TG: variants seen among roughly 807,000 people sequenced by gnomAD.
The protein encoded by TG is thyroid hormones.
TG carries 270 observed loss-of-function variants against 324.7 expected under a neutral mutation model. The ratio of observed to expected loss-of-function variants is 0.83; its 90% CI spans 0.75 to 0.92. TG has a LOEUF of 0.92. TG is among the 40% of genes least tolerant of loss of function. The pLI is 0.00. For synonymous variants in TG, 1,401 were observed against 1,327.0 expected (o/e 1.06, Z -1.21); for missense variants, 3,591 against 3,456.4 (o/e 1.04, Z -0.98).
chr8:132,931,943 A>C (rs1397215634), intron 23 of TG, among the ~76,000 whole-genome samples: 9 of 151,990 alleles, frequency 5.9e-5, no homozygotes, highest in African/African-American at 2.2e-4. Context: ...ATAATACAAA[A>C]ATTAGCCAGG....
chr8:132,882,583 T>C lies in TG; in HGVS notation c.860T>C (p.Val287Ala), dbSNP rs1192342580. Reference protein sequence around the residue: ...YRILQRRFLAVQSVISGRFRC... With the variant: ...YRILQRRFLAAQSVISGRFRC... Reference sequence around the variant, plus strand: ...ATACTGCAGAGACGGTTCCTCGCAGTTCAATCAGTCATCTCTGGCAGATTC... The same window carrying C: ...ATACTGCAGAGACGGTTCCTCGCAGCTCAATCAGTCATCTCTGGCAGATTC... The change falls in exon 7 of 48, where the codon GTT becomes GCT. Residue 287 changes from valine to alanine, a missense_variant. Coordinates refer to ENST00000220616, the MANE Select transcript of TG (RefSeq NM_003235.5). The C allele has an allele frequency of 6.2e-7, 1 of 1,614,220 alleles. No individual in the cohort carries two copies. The highest frequency in any genetic ancestry group is 8.5e-7 in the Non-Finnish European group (1 of 1,180,046).
chr8:133,001,735 A>C (rs1057322195), intron 35 of TG: 5 of 985,340 alleles, frequency 5.1e-6, no homozygotes, highest in Non-Finnish European at 4.8e-6. Context: ...ACAGGCCTCC[A>C]AGGCAGCTTC....
intron 10 of TG, among the ~76,000 whole-genome samples, chr8:132,890,524 G>A (rs1388081677): frequency 1.3e-5 from 2 of 152,154 alleles, no homozygotes; most frequent in Admixed American, 6.5e-5. Context: ...ATTCCCAGGG[G>A]AATTCAATGC....
chr8:132,903,880 T>C (rs1002744403), intron 16 of TG, among the ~76,000 whole-genome samples: 2 of 152,258 alleles, frequency 1.3e-5, no homozygotes, highest in African/African-American at 4.8e-5. Flanking sequence ...ATTTGAGTCA[T>C]TATTAGCACT....
intron 22 of TG, among the ~76,000 whole-genome samples, chr8:132,926,179 C>A (rs1487833810): frequency 6.6e-6 from 1 of 152,192 alleles, no homozygotes; most frequent in Non-Finnish European, 1.5e-5. Flanking sequence ...GGTCCTTAAG[C>A]AAGGGACTTA....
intron 39 of TG, among the ~76,000 whole-genome samples, chr8:133,021,171 A>T (rs1835527968): frequency 6.6e-6 from 1 of 152,192 alleles, no homozygotes; most frequent in African/African-American, 2.4e-5. Flanking sequence ...AAATGTGGAT[A>T]ATAAGAATCT....
intron 25 of TG, 149 bp from the exon 26 acceptor site, chr8:132,941,202 G>A (rs1380459909): frequency 3.1e-6 from 3 of 982,086 alleles, no homozygotes; most frequent in Non-Finnish European, 4.7e-6. Flanking sequence ...CAGAAGCTTT[G>A]TGGCACAGAG....
At chr8:133,018,980 A>G (rs945645200) in intron 38 of TG, among the ~76,000 whole-genome samples, 30 of 152,218 alleles carry the variant, frequency 2.0e-4, no homozygotes, top group Non-Finnish European at 2.9e-5. Context: ...AATATGCGTG[A>G]ATTAAAGTGC....
chr8:132,948,921 T>G lies in TG; in HGVS notation c.5379T>G (p.Leu1793=). ...AGAGCCACCAGGTGATATTGCGTCT[T>G]GGAGACCAGGAGTTCATCAAGAGTA... is the stretch of plus-strand genomic sequence containing the variant. ...DQESHQVILR[L]GDQEFIKSLT... is the part of the protein sequence containing the mutation. The change falls in exon 27 of 48, where the codon CTT becomes CTG. Residue 1793 remains leucine (L), a synonymous_variant. Transcript: ENST00000220616. 1 of 1,613,924 alleles carries G rather than the reference T, an allele frequency of 6.2e-7. No individual in the cohort carries two copies. Among genetic ancestry groups the G allele is most frequent in the Non-Finnish European group, 8.5e-7 (1 of 1,180,012 alleles).
At chr8:132,986,680 A>G (rs1028867943) in intron 35 of TG, among the ~76,000 whole-genome samples, 1 of 152,174 alleles carries the variant, frequency 6.6e-6, no homozygotes, top group African/African-American at 2.4e-5. Context: ...AGCAAAGTGA[A>G]CTACTTGGTA....
chr8:133,070,663 C>T (rs1236007398), intron 41 of TG, among the ~76,000 whole-genome samples: 1 of 152,136 alleles, frequency 6.6e-6, no homozygotes, highest in African/African-American at 2.4e-5. Flanking sequence ...CTTTTTACTC[C>T]CACTCCTAAT....
intron 2 of TG, among the ~76,000 whole-genome samples, chr8:132,868,820 A>G (rs1839210577): frequency 6.6e-6 from 1 of 152,148 alleles, no homozygotes; most frequent in Admixed American, 6.5e-5. Context: ...TAATCTAGAC[A>G]ATTCTTCCCT....
chr8:133,110,025 CT>C (rs1313563178), intron 43 of TG, among the ~76,000 whole-genome samples: 1 of 152,176 alleles, frequency 6.6e-6, no homozygotes, highest in Non-Finnish European at 1.5e-5. Context: ...ATAGCGGGTG[CT>C]GGGACTTGGA....
chr8:133,096,445 T>A, intron 43 of TG, 72 bp downstream of exon 43: 1 of 1,580,730 alleles, frequency 6.3e-7, no homozygotes. Context: ...AATGTCTGAC[T>A]TGATCAAGAG....
chr8:132,893,287 TG>T (rs1816569582), intron 10 of TG, among the ~76,000 whole-genome samples: 1 of 142,682 alleles, frequency 7.0e-6, no homozygotes, highest in Admixed American at 7.0e-5. Context: ...GTGGTGTGTG[TG>T]TATGTGTACG....
chr8:132,890,851 C>G (rs915306463), intron 10 of TG, among the ~76,000 whole-genome samples: 1 of 152,194 alleles, frequency 6.6e-6, no homozygotes, highest in Non-Finnish European at 1.5e-5. Flanking sequence ...GCTCAGGCCT[C>G]TAGGAGTTTG....
chr8:133,131,946 G>A lies in TG; in HGVS notation c.7997G>A (p.Gly2666Glu), dbSNP rs748861793. The stretch of plus-strand genomic sequence containing the variant: ...TACTTTTCCCACTTCATCAGATCAG[G>A]GTAATTTTGGACCACTTGTTCAGAA... ...MQYFSHFIRS[G>E]NPNYPYEFSR... Residue 2666 changes from glycine to glutamate, a missense_variant and splice_region_variant, in exon 46 of 48, where the codon GGA becomes GAA. Gly to Glu is a moderately conservative substitution (Grantham distance 98). Transcript: ENST00000220616. 1 of 1,613,876 alleles carries A rather than the reference G, an allele frequency of 6.2e-7. No individual in the cohort carries two copies.
At chr8:132,974,391 A>G (rs923044426) in intron 34 of TG, among the ~76,000 whole-genome samples, 6 of 152,144 alleles carry the variant, frequency 3.9e-5, no homozygotes, top group Admixed American at 6.5e-5. Flanking sequence ...ACCATGATGG[A>G]TTTACGTGGG....
At chr8:132,922,252 G>T (rs928975984) in intron 21 of TG, among the ~76,000 whole-genome samples, 2 of 152,212 alleles carry the variant, frequency 1.3e-5, no homozygotes, top group African/African-American at 4.8e-5. Flanking sequence ...AGGGGGCCCG[G>T]TGGAGAAAGG....
Sources: allele counts gnomAD v4.1 joint callset (sites outside exome capture counted in the v4.1 genomes callset), GRCh38; gene constraint gnomAD v4.1.1; transcripts MANE v1.5; gene names NCBI Gene and HGNC (gene_info 2026-07-23, HGNC 2026-07-21).